CAGE1: variants seen among roughly 807,000 people sequenced by gnomAD.
CAGE1 encodes the protein cancer antigen 1, also known as cancer-associated gene 1 protein.
A neutral mutation model predicts 94.9 loss-of-function variants in CAGE1; 66 were observed. That is an observed-to-expected ratio of 0.70 (90% CI 0.57 to 0.85). CAGE1 has a LOEUF of 0.85. Among genes scored for constraint, CAGE1 ranks in the 40% least tolerant of loss-of-function variants. The probability of loss-of-function intolerance (pLI) is 0.00; values close to 1 mark genes in which losing one functional copy is unlikely to be tolerated. For missense variants in CAGE1, 865 were observed against 950.4 expected (o/e 0.91, Z 1.18); for synonymous variants, 319 against 321.0 (o/e 0.99, Z 0.07).
At chr6:7,358,500 C>G (rs565241870) in intron 9 of CAGE1, among the ~76,000 whole-genome samples, 1 of 152,190 alleles carries the variant, frequency 6.6e-6, no homozygotes, top group Non-Finnish European at 1.5e-5. Flanking sequence ...CTACAAAGAC[C>G]TCATACATAT....
chr6:7,348,380 A>T (rs1232420800), intron 11 of CAGE1, among the ~76,000 whole-genome samples: 1 of 152,144 alleles, frequency 6.6e-6, no homozygotes, highest in Non-Finnish European at 1.5e-5. Flanking sequence ...GAGGAAGAGC[A>T]CCCCATCAAG....
In CAGE1 at chr6:7,365,541, A is replaced by G. The variant is rs1295601600; in HGVS notation, c.2120T>C (p.Ile707Thr). 1 of 1,612,066 alleles carries G rather than the reference A, an allele frequency of 6.2e-7. No individual in the cohort carries two copies. ...TCCCAGAAGGGTAGGTACATCTCTG[A>G]TACTCTTGGCTTCATCTGAATCACA... ...IDCDSDEAKS[I>T]RDVPTLLGAK... Residue 707 changes from isoleucine to threonine, a missense_variant, in exon 9 of 14, where the codon ATC becomes ACC. Physicochemically the swap from Ile to Thr is moderately conservative, Grantham distance 89. Transcript: ENST00000502583.
In CAGE1 at chr6:7,339,051, C is replaced by T. The variant is rs749599394; in HGVS notation, c.2370-4961G>A. On this transcript the variant is annotated intron_variant, in intron 11 of 13. Transcript: ENST00000502583. The surrounding 1 kb of genome is among the most constrained non-coding windows in gnomAD (Gnocchi z 4.7). ...CACACTCTGTCTGAGCAACACATGG[C>T]GCACAGCAGTGTCAACGTAGTAGTT... The T allele has an allele frequency of 9.7e-5, 156 of 1,604,822 alleles. No individual in the cohort carries two copies. Among genetic ancestry groups the T allele is most frequent in the Non-Finnish European group, 1.2e-4 (142 of 1,173,238 alleles).
At chr6:7,328,510 A>G (rs1758610355) in intron 13 of CAGE1, among the ~76,000 whole-genome samples, 1 of 145,506 alleles carries the variant, frequency 6.9e-6, no homozygotes, top group Non-Finnish European at 1.5e-5. Context: ...CATACCAAGT[A>G]GGAGAAGCTG....
At chr6:7,338,487 A>C (rs1395783446) in intron 11 of CAGE1, among the ~76,000 whole-genome samples, 1 of 152,158 alleles carries the variant, frequency 6.6e-6, no homozygotes, top group African/African-American at 2.4e-5. Flanking sequence ...TTTTCTGTCT[A>C]TCGAAATTAT....
intron 11 of CAGE1, among the ~76,000 whole-genome samples, chr6:7,340,206 T>G (rs1759113330): frequency 6.6e-6 from 1 of 152,208 alleles, no homozygotes; most frequent in Non-Finnish European, 1.5e-5. Context: ...TTGTTGGCCA[T>G]TTCCATATCT....
intron 11 of CAGE1, among the ~76,000 whole-genome samples, chr6:7,346,460 G>A (rs1759542828): frequency 6.6e-6 from 1 of 152,020 alleles, no homozygotes; most frequent in Non-Finnish European, 1.5e-5. Flanking sequence ...GAGGTGGGAG[G>A]ATCATTTGAG....
chr6:7,378,867 T>C lies in CAGE1; in HGVS notation c.437A>G (p.Gln146Arg). The part of the protein sequence containing the change: ...EMTEKPEFQS[Q>R]VYNYAKDNNI... The stretch of plus-strand genomic sequence containing the variant: ...GTTGTCTTTTGCATAATTATACACT[T>C]GACTTTGAAATTCTGGCTTCTCTGT... The change falls in exon 4 of 14, where the codon CAA (glutamine) becomes CGA (arginine). Residue 146 changes from glutamine to arginine, a missense_variant. Coordinates refer to ENST00000502583, the MANE Select transcript of CAGE1 (RefSeq NM_001170692.2). 6.2e-7 allele frequency: 1 copy of C among 1,612,144 alleles called. No individual in the cohort carries two copies. Among genetic ancestry groups the C allele is most frequent in the Non-Finnish European group, 8.5e-7 (1 of 1,178,762 alleles).
intron 13 of CAGE1, among the ~76,000 whole-genome samples, chr6:7,327,785 C>T: frequency 6.6e-6 from 1 of 152,008 alleles, no homozygotes; most frequent in East Asian, 1.9e-4. Context: ...ACAAAATTAG[C>T]TAGGCGTGGT....
At position 7,339,170 on chromosome 6, in the gene CAGE1, G is replaced by T; in HGVS notation, c.2370-5080C>A. 1 of 1,513,868 alleles carries T rather than the reference G, an allele frequency of 6.6e-7. No homozygotes were observed. The highest frequency in any genetic ancestry group is 9.2e-7 in the Non-Finnish European group (1 of 1,090,080). 93.8% of individuals were successfully genotyped at this position (1,513,868 alleles called of 1,614,324 possible). On this transcript the variant is annotated intron_variant, in intron 11 of 13. Transcript: ENST00000502583. The surrounding 1 kb of genome is among the most constrained non-coding windows in gnomAD (Gnocchi z 4.7). ...GTTTCCCAGACACCACGACCTCACA[G>T]CCTTTGGCCCCAGTTTCCATGATGA...
chr6:7,357,935 A>G (rs1055328972), intron 9 of CAGE1, among the ~76,000 whole-genome samples: 1 of 150,188 alleles, frequency 6.7e-6, no homozygotes, highest in African/African-American at 2.4e-5. Flanking sequence ...CAGGGACTAC[A>G]GGTGTATGCC....
At chr6:7,344,001 AACAG>A (rs1759300939) in intron 11 of CAGE1, among the ~76,000 whole-genome samples, 1 of 152,198 alleles carries the variant, frequency 6.6e-6, no homozygotes, top group Admixed American at 6.5e-5. Flanking sequence ...CTACATCTGA[AACAG>A]ACAGATCTGG....
intron 11 of CAGE1, among the ~76,000 whole-genome samples, chr6:7,347,784 T>C (rs1759616729): frequency 1.3e-5 from 2 of 151,928 alleles, no homozygotes; most frequent in Admixed American, 1.3e-4. Flanking sequence ...GGGTGAGGCC[T>C]GTGACTGCAG....
Position 7,334,045 on chromosome 6 carries a change from G to A in CAGE1, c.2415C>T (p.Pro805=), listed in dbSNP as rs746381578. 9.8e-6 allele frequency: 15 copies of A among 1,535,234 alleles called. No homozygotes were observed. The highest frequency in any genetic ancestry group is 1.3e-5 in the Non-Finnish European group (15 of 1,133,742). Residue 805 remains proline, a synonymous_variant, in exon 12 of 14, where the codon CCC becomes CCT. Transcript: ENST00000502583. ...ACCTTGGTTTTCTGGCTTTTTCTCTGGGCTTTCTAATTAAATCCTCTAAAT... is the reference window on the plus strand; with the variant it reads ...ACCTTGGTTTTCTGGCTTTTTCTCTAGGCTTTCTAATTAAATCCTCTAAAT... ...NKHLEDLIRK[P]REKARKPRSK...
At chr6:7,347,790 T>G (rs1759616976) in intron 11 of CAGE1, among the ~76,000 whole-genome samples, 1 of 152,104 alleles carries the variant, frequency 6.6e-6, no homozygotes, top group East Asian at 2.0e-4. Flanking sequence ...GGCCTGTGAC[T>G]GCAGGCTTTC....
intron 9 of CAGE1, 128 bp from the exon 10 acceptor site, chr6:7,356,257 T>C (rs1561857415): frequency 1.6e-6 from 1 of 614,526 alleles, no homozygotes; most frequent in Non-Finnish European, 2.9e-6. Flanking sequence ...AGCTGTACCG[T>C]AGGTGAAGCA....
rs1759161096 is a variant in CAGE1 at position 7,341,190 on chromosome 6, G to A, written c.2370-7100C>T. The A allele has an allele frequency of 2.5e-5, 16 of 633,016 alleles. No individual in the cohort carries two copies. In the Admixed American group the frequency reaches 3.2e-4, roughly 13 times the overall value. 39.2% of individuals were successfully genotyped at this position (633,016 alleles called of 1,614,324 possible). ...CTTTGTCAATCCATTCTGTGTTCTG[G>A]AGCAGTTGACACAGCTTGTGCTAGG... On this transcript the variant is annotated intron_variant, in intron 11 of 13. Transcript: ENST00000502583.
chr6:7,346,678 C>A (rs113221240), intron 11 of CAGE1, among the ~76,000 whole-genome samples: 1 of 148,688 alleles, frequency 6.7e-6, no homozygotes, highest in Non-Finnish European at 1.5e-5. Context: ...AAAACCCTGT[C>A]TCTACTGAAA....
chr6:7,357,681 G>C (rs2113414226), intron 9 of CAGE1, among the ~76,000 whole-genome samples: 1 of 152,170 alleles, frequency 6.6e-6, no homozygotes, highest in Middle Eastern at 3.4e-3. Context: ...AACATTTTGA[G>C]TTTCTGCTAA....
Sources: gnomAD v4.1 joint callset for allele counts (sites outside exome capture counted in the v4.1 genomes callset) on GRCh38, gnomAD v4.1.1 for gene constraint, Gnocchi (gnomAD v3.1) non-coding constraint, MANE v1.5 for transcripts, NCBI Gene and HGNC (gene_info 2026-07-23, HGNC 2026-07-21) for gene names.